The following DPP6 variants were observed in gnomAD, a reference collection of about 807,000 sequenced individuals.
DPP6 encodes the protein dipeptidyl peptidase like 6.
In DPP6, 69 loss-of-function variants were observed where a neutral mutation model predicts 122.6. The ratio of observed to expected loss-of-function variants is 0.56; its 90% CI spans 0.46 to 0.69. The LOEUF is 0.69. DPP6 is among the 30% of genes least tolerant of loss of function. The probability of loss-of-function intolerance (pLI) is 0.00; values close to 1 mark genes in which losing one functional copy is unlikely to be tolerated. For synonymous variants in DPP6, 418 were observed against 433.1 expected, an observed-to-expected ratio of 0.97 and a Z score of 0.43; for missense variants, 928 against 1,116.9, an observed-to-expected ratio of 0.83 and a Z score of 2.41.
chr7:154,476,756 C>A (rs1822775904), intron 3 of DPP6, among the ~76,000 whole-genome samples: 1 of 152,122 alleles, frequency 6.6e-6, no homozygotes, highest in Non-Finnish European at 1.5e-5. Context: ...AGAAACAATG[C>A]CCAGCAGTTA....
intron 17 of DPP6, among the ~76,000 whole-genome samples, chr7:154,856,520 C>T (rs190196577): frequency 1.1e-4 from 16 of 152,288 alleles, no homozygotes; most frequent in Non-Finnish European, 5.9e-5. Flanking sequence ...TGCAATTCTT[C>T]GGAAGAGAGT....
chr7:154,269,667 A>G (rs1315973728), intron 1 of DPP6, among the ~76,000 whole-genome samples: 1 of 152,176 alleles, frequency 6.6e-6, no homozygotes, highest in Admixed American at 6.5e-5. Context: ...CTGTAAAAGG[A>G]TGAATTTGGA....
chr7:154,431,544 T>C (rs1445891167), intron 1 of DPP6, among the ~76,000 whole-genome samples: 5 of 145,314 alleles, frequency 3.4e-5, no homozygotes, highest in Non-Finnish European at 3.0e-5. Context: ...CTTTTTTTTT[T>C]TTTTTTTGAG....
At chr7:154,061,440 C>G (rs377635639) in intron 1 of DPP6, among the ~76,000 whole-genome samples, 369 of 142,812 alleles carry the variant, frequency 2.6e-3, no homozygotes, top group Middle Eastern at 3.8e-3. Context: ...CTCTAAACAA[C>G]TAGACAGGGT....
chr7:154,107,670 A>G (rs1480000378), intron 1 of DPP6, among the ~76,000 whole-genome samples: 3 of 152,248 alleles, frequency 2.0e-5, no homozygotes, highest in African/African-American at 7.2e-5. Flanking sequence ...AAACATCATA[A>G]TGGACCCCAT....
chr7:153,989,082 G>A (rs545384289), intron 1 of DPP6, among the ~76,000 whole-genome samples: 1 of 150,754 alleles, frequency 6.6e-6, no homozygotes, highest in Admixed American at 6.7e-5. Context: ...GACAGCGCCC[G>A]CGAGGTGCTG....
In DPP6 at chr7:154,875,777, A is replaced by C. The variant is rs1448543043; in HGVS notation, c.1884-129A>C. ...TGCCCGGGGCAACAGAATCTGGGGT[A>C]TGGAGTTGAGCGTGTGGCAGCCGGG... On this transcript the variant is annotated intron_variant, in intron 19 of 25. Transcript: ENST00000377770. This position sits in a 1 kb window ranked among gnomAD's most constrained non-coding sequence, Gnocchi z 4.5. 6.9e-6 allele frequency: 9 copies of C among 1,301,132 alleles called. No individual in the cohort carries two copies. Among genetic ancestry groups the C allele is most frequent in the Non-Finnish European group, 9.4e-6 (9 of 959,492 alleles). 80.6% of individuals were successfully genotyped at this position (1,301,132 alleles called of 1,614,324 possible).
chr7:153,984,410 C>A (rs975019131), intron 1 of DPP6, among the ~76,000 whole-genome samples: 1 of 152,150 alleles, frequency 6.6e-6, no homozygotes, highest in Non-Finnish European at 1.5e-5. Flanking sequence ...AATCAACCCC[C>A]AAAATGAAGG....
rs183532905 is a variant in DPP6 at position 154,692,603 on chromosome 7, T to C, written c.762+23162T>C. ...AACAAGGTGTTGCGGGGACATCCTC[T>C]AGAGCCTTGAGAATTTGGGGTGTGA... On this transcript the variant is annotated intron_variant, in intron 7 of 25. Coordinates refer to ENST00000377770, the MANE Select transcript of DPP6 (RefSeq NM_130797.4). Among the ~76,000 whole-genome samples the C allele has an allele frequency of 1.4e-3, 213 of 152,306 alleles. 1 individual carries two copies. Among genetic ancestry groups the C allele is most frequent in the African/African-American group, 4.9e-3 (202 of 41,560 alleles).
At chr7:153,896,749 G>A (rs1221213524) in intron 1 of DPP6, among the ~76,000 whole-genome samples, 1 of 152,212 alleles carries the variant, frequency 6.6e-6, no homozygotes, top group African/African-American at 2.4e-5. Flanking sequence ...TGAGATTGAG[G>A]CTGCCGTGGG....
the DPP6 span, among the ~76,000 whole-genome samples, chr7:153,800,072 A>G: frequency 6.6e-6 from 1 of 152,210 alleles, no homozygotes; most frequent in Non-Finnish European, 1.5e-5. Context: ...CACTGCTGGG[A>G]ATATATCCAA....
Position 154,260,732 on chromosome 7 carries a change from AT to A in DPP6, c.244-185481del, listed in dbSNP as rs537510242. Among the ~76,000 whole-genome samples the A allele has an allele frequency of 2.0e-3, 302 of 147,950 alleles. 1 individual carries two copies. Among genetic ancestry groups the A allele is most frequent in the African/African-American group, 7.0e-3 (285 of 40,704 alleles). On this transcript the variant is annotated intron_variant, in intron 1 of 25. Coordinates refer to ENST00000377770, the MANE Select transcript of DPP6 (RefSeq NM_130797.4). ...TATATTATGTATATATAAAATACAT[AT>A]ATATGTATAATATATATATTATATA...
At chr7:154,883,646 G>GGT (rs1805700891) in intron 21 of DPP6, 1 of 123,218 alleles carries the variant, frequency 8.1e-6, no homozygotes, top group Non-Finnish European at 1.7e-5. Context: ...GCTCATACAC[G>GGT]TTTACCCATA....
At chr7:154,141,682 A>G (rs181943684) in intron 1 of DPP6, among the ~76,000 whole-genome samples, 6 of 152,326 alleles carry the variant, frequency 3.9e-5, no homozygotes, top group Admixed American at 3.9e-4. Flanking sequence ...GCTCATGCAG[A>G]TGGTGGTACT....
intron 1 of DPP6, among the ~76,000 whole-genome samples, chr7:154,259,096 G>A (rs1255797707): frequency 6.6e-6 from 1 of 152,204 alleles, no homozygotes; most frequent in Non-Finnish European, 1.5e-5. Flanking sequence ...AACCCAGGCA[G>A]TGGCAGCTTG....
chr7:154,883,401 C>CAT (rs138029884), intron 21 of DPP6, among the ~76,000 whole-genome samples: 45,113 of 122,514 alleles, frequency 0.37, 8,354 homozygotes, highest in South Asian at 0.47. Context: ...CACACACACA[C>CAT]ATGCTCACCC....
chr7:153,943,863 C>T (rs1021665701), intron 1 of DPP6, among the ~76,000 whole-genome samples: 2 of 151,810 alleles, frequency 1.3e-5, no homozygotes, highest in South Asian at 4.2e-4. Flanking sequence ...CTGAGTGATG[C>T]TCTGCTACAT....
intron 1 of DPP6, among the ~76,000 whole-genome samples, chr7:154,389,941 A>ACC (rs1347692244): frequency 6.6e-6 from 1 of 152,226 alleles, no homozygotes; most frequent in East Asian, 1.9e-4. Flanking sequence ...AGCTGTTACT[A>ACC]CAAATATGCG....
chr7:154,775,638 G>A (rs776341031), intron 10 of DPP6, among the ~76,000 whole-genome samples: 1 of 151,948 alleles, frequency 6.6e-6, no homozygotes, highest in East Asian at 1.9e-4. Context: ...ATTGAACAAG[G>A]ACATCCTAGG....
Sources: allele counts gnomAD v4.1 joint callset (sites outside exome capture counted in the v4.1 genomes callset), GRCh38; gene constraint gnomAD v4.1.1; non-coding constraint Gnocchi (gnomAD v3.1); transcripts MANE v1.5; gene names NCBI Gene and HGNC (gene_info 2026-07-23, HGNC 2026-07-21).